The following MAF variants were observed in gnomAD, a reference collection of about 807,000 sequenced individuals.
The protein encoded by MAF is transcription factor Maf.
A neutral mutation model predicts 22.0 loss-of-function variants in MAF; 10 were observed. That is an observed-to-expected ratio of 0.45 (90% CI 0.28 to 0.77). The LOEUF (loss-of-function observed/expected upper bound fraction) is 0.77, where lower values mean the gene tolerates loss of function less well. MAF is among the 30% of genes least tolerant of loss of function. The probability of loss-of-function intolerance (pLI) is 0.12; values close to 1 mark genes in which losing one functional copy is unlikely to be tolerated. For missense variants in MAF, 544 were observed against 548.4 expected, an observed-to-expected ratio of 0.99 and a Z score of 0.08; for synonymous variants, 337 against 255.8, an observed-to-expected ratio of 1.32 and a Z score of -3.03.
the MAF span, among the ~76,000 whole-genome samples, chr16:79,249,679 C>G: frequency 2.6e-5 from 4 of 152,170 alleles, no homozygotes; most frequent in African/African-American, 7.2e-5. Flanking sequence ...AATTAAATCT[C>G]CCTAATTTCT....
At chr16:79,509,123 C>A in the MAF span, among the ~76,000 whole-genome samples, 1 of 152,222 alleles carries the variant, frequency 6.6e-6, no homozygotes, top group Non-Finnish European at 1.5e-5. Context: ...ACCCTGGACA[C>A]ACGTAGGTTG....
the MAF span, among the ~76,000 whole-genome samples, chr16:79,465,438 A>G: frequency 6.6e-6 from 1 of 152,064 alleles, no homozygotes. Flanking sequence ...CAAAAAATAC[A>G]AAAAATTAAT....
At chr16:79,552,339 C>T in the MAF span, among the ~76,000 whole-genome samples, 39 of 152,146 alleles carry the variant, frequency 2.6e-4, no homozygotes, top group Middle Eastern at 3.4e-3. Flanking sequence ...TTCCCAGTAG[C>T]TGGACTACTG....
At chr16:79,564,066 A>G in the MAF span, among the ~76,000 whole-genome samples, 1 of 152,348 alleles carries the variant, frequency 6.6e-6, no homozygotes, top group East Asian at 1.9e-4. Flanking sequence ...TTTCAAGTGG[A>G]GCAGACCCTG....
At chr16:79,259,024 G>A in the MAF span, among the ~76,000 whole-genome samples, 1 of 152,128 alleles carries the variant, frequency 6.6e-6, no homozygotes, top group Admixed American at 6.5e-5. Context: ...ATTACATTTT[G>A]GGAGGTTAAA....
the MAF span, among the ~76,000 whole-genome samples, chr16:79,290,336 C>T: frequency 3.3e-5 from 5 of 152,162 alleles, no homozygotes; most frequent in East Asian, 1.9e-4. Flanking sequence ...ATAAATCATA[C>T]GGGCTCTGCG....
At chr16:79,480,390 C>T in the MAF span, among the ~76,000 whole-genome samples, 1 of 151,812 alleles carries the variant, frequency 6.6e-6, no homozygotes, top group South Asian at 2.1e-4. Context: ...ATAAAAAAAG[C>T]CAATTCCAAG....
chr16:79,575,416 G>A, the MAF span, among the ~76,000 whole-genome samples: 4 of 152,128 alleles, frequency 2.6e-5, no homozygotes, highest in Non-Finnish European at 4.4e-5. Flanking sequence ...AAAATCTAAT[G>A]AAGCAGGCAA....
At chr16:79,230,820 T>C in the MAF span, among the ~76,000 whole-genome samples, 5 of 152,194 alleles carry the variant, frequency 3.3e-5, no homozygotes, top group African/African-American at 1.2e-4. Flanking sequence ...CCTGAGATCC[T>C]TAATTATCCA....
the MAF span, among the ~76,000 whole-genome samples, chr16:79,229,016 C>A: frequency 6.6e-6 from 1 of 151,790 alleles, no homozygotes; most frequent in South Asian, 2.1e-4. Flanking sequence ...CTTCTTGGAG[C>A]AAAAGATACA....
At chr16:79,245,691 G>C in the MAF span, among the ~76,000 whole-genome samples, 2 of 151,944 alleles carry the variant, frequency 1.3e-5, no homozygotes, top group South Asian at 4.1e-4. Flanking sequence ...ATTTGACCCA[G>C]CAGTCTCATT....
At chr16:79,459,367 T>C in the MAF span, among the ~76,000 whole-genome samples, 1 of 152,190 alleles carries the variant, frequency 6.6e-6, no homozygotes, top group Non-Finnish European at 1.5e-5. Context: ...ATCACAACAT[T>C]AAAAATGCTG....
chr16:79,337,337 C>T, the MAF span, among the ~76,000 whole-genome samples: 18 of 152,058 alleles, frequency 1.2e-4, no homozygotes, highest in African/African-American at 3.4e-4. Context: ...TTTGCGAGGC[C>T]GAGGCAGGCG....
the MAF span, among the ~76,000 whole-genome samples, chr16:79,210,345 A>G: frequency 6.6e-6 from 1 of 152,134 alleles, no homozygotes; most frequent in Non-Finnish European, 1.5e-5. Flanking sequence ...TCTCCCAGGG[A>G]TCCTAGAATG....
chr16:79,305,608 G>C, the MAF span, among the ~76,000 whole-genome samples: 1 of 152,140 alleles, frequency 6.6e-6, no homozygotes, highest in Non-Finnish European at 1.5e-5. Context: ...AGACCCTCCT[G>C]GTGCACCAGA....
At chr16:79,384,019 C>T in the MAF span, among the ~76,000 whole-genome samples, 14 of 152,142 alleles carry the variant, frequency 9.2e-5, no homozygotes, top group Admixed American at 3.3e-4. Context: ...CCAGGTGTGA[C>T]GTTACCAAAT....
chr16:79,237,008 G>A, the MAF span, among the ~76,000 whole-genome samples: 75 of 151,660 alleles, frequency 4.9e-4, no homozygotes, highest in African/African-American at 1.8e-3. Context: ...TTAGAATCAG[G>A]ACTCGCCTTA....
chr16:79,566,446 C>G, the MAF span, among the ~76,000 whole-genome samples: 9 of 152,320 alleles, frequency 5.9e-5, no homozygotes, highest in Non-Finnish European at 1.0e-4. Flanking sequence ...CCGTGCTGAG[C>G]TGACGGAGTG....
At chr16:79,318,682 T>G in the MAF span, among the ~76,000 whole-genome samples, 1 of 152,200 alleles carries the variant, frequency 6.6e-6, no homozygotes, top group African/African-American at 2.4e-5. Flanking sequence ...CCTTTTAAAA[T>G]CATCTGCATG....
Sources: gnomAD v4.1 joint callset for allele counts (sites outside exome capture counted in the v4.1 genomes callset) on GRCh38, gnomAD v4.1.1 for gene constraint, MANE v1.5 for transcripts, NCBI Gene and HGNC (gene_info 2026-07-23, HGNC 2026-07-21) for gene names.